Variants in DNAH10 observed in about 807,000 individuals in gnomAD.
DNAH10 encodes axonemal beta dynein heavy chain 10.
A neutral mutation model predicts 506.6 loss-of-function variants in DNAH10; 348 were observed. That is an observed-to-expected ratio of 0.69 (90% confidence interval 0.63 to 0.75). DNAH10 has a LOEUF of 0.75. DNAH10 is among the 30% of genes least tolerant of loss of function. The pLI, the probability that DNAH10 is intolerant of heterozygous loss-of-function variation, is 0.00. For synonymous variants in DNAH10, 2,059 were observed against 2,198.6 expected (o/e 0.94, Z 1.78); for missense variants, 5,179 against 5,787.1 (o/e 0.89, Z 3.41).
chr12:123,797,332 G>C (rs188171291), intron 13 of DNAH10, among the ~76,000 whole-genome samples: 70 of 152,056 alleles, frequency 4.6e-4, no homozygotes, highest in African/African-American at 1.5e-3. Context: ...GGGTCTTTCT[G>C]TTGTCCTTGC....
rs1475055679 is a variant in DNAH10, at chr12:123,837,180, A to C, written c.4903-1276A>C. Among the ~76,000 whole-genome samples, 4 of 146,342 alleles carry C rather than the reference A, an allele frequency of 2.7e-5. No homozygotes were observed. The East Asian group carries it at 6.2e-4, about 23-fold the overall frequency. Reference sequence around the variant, plus strand: ...AAACTCCGTCTCTACTAAAAATACAAAAAAAAAAAAAAAATTAGCCAGGCA... The same window carrying C: ...AAACTCCGTCTCTACTAAAAATACACAAAAAAAAAAAAAATTAGCCAGGCA... On this transcript the variant is annotated intron_variant, in intron 28 of 78. Transcript: ENST00000673944.
In DNAH10 at chr12:123,826,683, C is replaced by G; in HGVS notation, c.4180-4C>G. On this transcript the variant is annotated splice_region_variant and splice_polypyrimidine_tract_variant and intron_variant, in intron 24 of 78. Transcript: ENST00000673944. The stretch of plus-strand genomic sequence containing the variant: ...TGATGGAGCTGTTCCTTGCACGTTT[C>G]CAGGTTGCAAAAGAAGAATGGTCTC... 3.1e-6 allele frequency: 5 copies of G among 1,612,444 alleles called. No homozygotes were observed. The highest frequency in any genetic ancestry group is 1.8e-4 in the Middle Eastern group (1 of 5,546).
intron 5 of DNAH10, among the ~76,000 whole-genome samples, chr12:123,776,453 T>C (rs1332880250): frequency 1.3e-5 from 2 of 151,736 alleles, no homozygotes; most frequent in Non-Finnish European, 2.9e-5. Flanking sequence ...AAAGAATGAC[T>C]CTTAGGATTT....
chr12:123,791,553 T>A (rs1958080725), intron 11 of DNAH10, among the ~76,000 whole-genome samples: 2 of 152,192 alleles, frequency 1.3e-5, no homozygotes, highest in Non-Finnish European at 2.9e-5. Context: ...CTTTTTCAGT[T>A]GAACCTTTTT....
intron 9 of DNAH10, among the ~76,000 whole-genome samples, chr12:123,786,248 C>T (rs1004349710): frequency 2.7e-4 from 40 of 149,426 alleles, no homozygotes; most frequent in Admixed American, 2.4e-3. Context: ...ACCTGGGAGG[C>T]GGAGGTTGCA....
At chr12:123,851,931 A>G (rs7959043) in intron 35 of DNAH10, among the ~76,000 whole-genome samples, 59,186 of 151,770 alleles carry the variant, frequency 0.39, 11,669 homozygotes, top group Middle Eastern at 0.45. Flanking sequence ...ATGCCATCAC[A>G]CCTGGCTAAT....
In DNAH10 at chr12:123,929,261, C is replaced by A; in HGVS notation, c.12307-14C>A. 6.4e-7 allele frequency: 1 copy of A among 1,573,770 alleles called. No individual in the cohort carries two copies. Among genetic ancestry groups the A allele is most frequent in the Non-Finnish European group, 8.6e-7 (1 of 1,159,668 alleles). ...TGCGGTCTCCATCACTGTGTGTTTTCTTCTCTTCTGAAGGTTGTCACCGAG... is the reference window on the plus strand; with the variant it reads ...TGCGGTCTCCATCACTGTGTGTTTTATTCTCTTCTGAAGGTTGTCACCGAG... On this transcript the variant is annotated splice_polypyrimidine_tract_variant and intron_variant, in intron 70 of 78. Coordinates refer to ENST00000673944, the MANE Select transcript of DNAH10 (RefSeq NM_001372106.1).
intron 56 of DNAH10, among the ~76,000 whole-genome samples, chr12:123,901,930 G>A (rs1953542034): frequency 1.3e-5 from 2 of 152,150 alleles, no homozygotes; most frequent in African/African-American, 4.8e-5. Flanking sequence ...CAAAGTGCTG[G>A]GATTACAGGT....
intron 62 of DNAH10, among the ~76,000 whole-genome samples, chr12:123,915,952 A>AT (rs148953579): frequency 0.057 from 8,614 of 152,216 alleles, 744 homozygotes; most frequent in African/African-American, 0.18. Flanking sequence ...ATTATTTTCA[A>AT]TTTAGCTTTT....
chr12:123,933,550 A>T, intron 77 of DNAH10, 39 bp downstream of exon 77: 1 of 1,541,106 alleles, frequency 6.5e-7, no homozygotes, highest in South Asian at 1.2e-5. Context: ...CCTCTCACTT[A>T]GGATTTCTCT....
chr12:123,800,460 A>G (rs1420440156), intron 15 of DNAH10, 72 bp downstream of exon 15: 37 of 1,354,584 alleles, frequency 2.7e-5, no homozygotes, highest in Non-Finnish European at 3.6e-5. Context: ...CTTAAAAATT[A>G]TTGAGGACCC....
In DNAH10 at chr12:123,818,868, G is replaced by A. The variant is rs1959189981; in HGVS notation, c.3781-82G>A. The stretch of plus-strand genomic sequence containing the variant: ...CCTGTTGCCACAAGCAGAAGTCCCT[G>A]GGAGGTAACTTTGACCATCAATTTC... On this transcript the variant is annotated intron_variant, in intron 21 of 78. Transcript: ENST00000673944. The A allele has an allele frequency of 6.5e-6, 6 of 924,956 alleles. No individual in the cohort carries two copies. In the Admixed American group the frequency reaches 1.1e-4, roughly 17 times the overall value. The allele number at this position is 924,956 out of a possible 1,614,324, so 57.3% of individuals were successfully genotyped here. A position where few individuals can be genotyped will look rare whatever the true frequency, so the allele number is the denominator to read the frequency against.
chr12:123,765,557 CT>C (rs998699352), intron 1 of DNAH10, among the ~76,000 whole-genome samples: 10 of 90,240 alleles, frequency 1.1e-4, no homozygotes, highest in Non-Finnish European at 1.9e-4. Flanking sequence ...ATGCATCTAT[CT>C]ATACTTTATC....
At chr12:123,862,946 T>A (rs1189035902) in intron 39 of DNAH10, among the ~76,000 whole-genome samples, 3 of 152,136 alleles carry the variant, frequency 2.0e-5, no homozygotes, top group Non-Finnish European at 4.4e-5. Flanking sequence ...AGAGTGCGAA[T>A]GTGGCAAAAA....
At chr12:123,933,990 C>T in intron 77 of DNAH10, 1 of 482,534 alleles carries the variant, frequency 2.1e-6, no homozygotes, top group Non-Finnish European at 3.7e-6. Context: ...TTCCCCGGGT[C>T]CATGTTGTCT....
intron 36 of DNAH10, 83 bp from the exon 37 acceptor site, chr12:123,856,973 T>C (rs1480849092): frequency 2.1e-6 from 2 of 971,296 alleles, no homozygotes; most frequent in African/African-American, 1.7e-5. Flanking sequence ...TTCATAAGAG[T>C]GTTACCACTG....
chr12:123,780,149 TTCTCTCTCTCTC>T (rs59003958), intron 5 of DNAH10, among the ~76,000 whole-genome samples: 3 of 133,238 alleles, frequency 2.3e-5, no homozygotes, highest in South Asian at 2.7e-4. Flanking sequence ...CCTCCCTCCT[TTCTCTCTCTCTC>T]TCTCTCTCTC....
chr12:123,828,956 A>T (rs1960255985), intron 25 of DNAH10, among the ~76,000 whole-genome samples: 1 of 152,174 alleles, frequency 6.6e-6, no homozygotes, highest in Non-Finnish European at 1.5e-5. Flanking sequence ...GGGCTGAGTT[A>T]TGTTGAGTGT....
Position 123,787,724 on chromosome 12 carries a change from C to T in DNAH10, c.1422-80C>T. On this transcript the variant is annotated intron_variant, in intron 9 of 78. Transcript: ENST00000673944. The surrounding 1 kb of genome is among the most constrained non-coding windows in gnomAD (Gnocchi z 4.6). ...GCGCCCGGGTCAGAGCTTCACGGGA[C>T]ACTGGCTCCCCAGCCGGGGAGTGCG... 1.3e-6 allele frequency: 2 copies of T among 1,529,762 alleles called. No individual in the cohort carries two copies. The highest frequency in any genetic ancestry group is 1.8e-6 in the Non-Finnish European group (2 of 1,125,494). 94.8% of individuals were successfully genotyped at this position (1,529,762 alleles called of 1,614,324 possible).
Sources: gnomAD v4.1 joint callset for allele counts (sites outside exome capture counted in the v4.1 genomes callset) on GRCh38, gnomAD v4.1.1 for gene constraint, Gnocchi (gnomAD v3.1) non-coding constraint, MANE v1.5 for transcripts, NCBI Gene and HGNC (gene_info 2026-07-23, HGNC 2026-07-21) for gene names.